Variants in DSG2 observed in about 807,000 individuals in gnomAD.
DSG2 encodes desmoglein-2.
DSG2 carries 45 observed loss-of-function variants against 75.6 expected under a neutral mutation model. The ratio of observed to expected loss-of-function variants is 0.60; its 90% CI spans 0.47 to 0.76. The LOEUF (loss-of-function observed/expected upper bound fraction) is 0.76. Ranked by LOEUF, DSG2 falls within the 30% of genes least tolerant of loss-of-function variation. DSG2 has a pLI of 0.00. For missense variants in DSG2, 1,267 were observed against 1,357.4 expected (o/e 0.93, Z 1.05); for synonymous variants, 429 against 483.9 (o/e 0.89, Z 1.49).
intron 1 of DSG2, among the ~76,000 whole-genome samples, chr18:31,500,482 A>G (rs1271439878): frequency 6.6e-6 from 1 of 152,230 alleles, no homozygotes; most frequent in Non-Finnish European, 1.5e-5. Context: ...TCACAAATCT[A>G]GTAGCTGGAC....
rs11542379 is a variant in DSG2, at chr18:31,546,629, C to T, written c.3243C>T (p.Val1081=). 8,615 of 1,614,172 alleles carry T rather than the reference C, an allele frequency of 5.3e-3. 53 individuals carry two copies. Among genetic ancestry groups the T allele is most frequent in the African/African-American group, 0.023 (1,750 of 75,042 alleles). ...ARNTTVSGAG[V]PGPLPDFGLE... is the part of the protein sequence containing the mutation. ...ACACCACGGTGTCTGGAGCTGGAGT[C>T]CCTGGCCCTCTGCCAGATTTTGGTT... Residue 1081 remains valine, a synonymous_variant, in exon 15 of 15, where the codon GTC becomes GTT. Coordinates refer to ENST00000261590, the MANE Select transcript of DSG2 (RefSeq NM_001943.5).
intron 9 of DSG2, among the ~76,000 whole-genome samples, chr18:31,531,820 G>T (rs1397183155): frequency 6.6e-6 from 1 of 152,206 alleles, no homozygotes; most frequent in Non-Finnish European, 1.5e-5. Flanking sequence ...GATGCTCACT[G>T]TGTTGGAAGA....
intron 11 of DSG2, among the ~76,000 whole-genome samples, chr18:31,536,911 C>A (rs2073234425): frequency 6.6e-6 from 1 of 152,150 alleles, no homozygotes; most frequent in South Asian, 2.1e-4. Context: ...AAGCTCAAAC[C>A]TAGAACATGA....
intron 12 of DSG2, among the ~76,000 whole-genome samples, chr18:31,539,976 A>C (rs1277441458): frequency 6.6e-6 from 1 of 151,748 alleles, no homozygotes; most frequent in African/African-American, 2.4e-5. Flanking sequence ...CCTTATGAGA[A>C]TCTAATGCCT....
intron 1 of DSG2, among the ~76,000 whole-genome samples, chr18:31,517,193 C>T (rs1337360306): frequency 1.3e-5 from 2 of 152,132 alleles, no homozygotes; most frequent in Non-Finnish European, 1.5e-5. Context: ...CATCTTCTCA[C>T]TTATATGTGG....
intron 8 of DSG2, among the ~76,000 whole-genome samples, chr18:31,528,011 G>A (rs761349533): frequency 3.9e-5 from 6 of 152,164 alleles, no homozygotes; most frequent in Non-Finnish European, 8.8e-5. Flanking sequence ...ATTTCAGCAC[G>A]TGAGTTTTAA....
At chr18:31,501,017 A>C (rs2073010876) in intron 1 of DSG2, among the ~76,000 whole-genome samples, 2 of 152,196 alleles carry the variant, frequency 1.3e-5, no homozygotes, top group Admixed American at 6.5e-5. Context: ...ATACCTTTAC[A>C]TCTTATGGTG....
chr18:31,546,520 CAGTG>C lies in DSG2; in HGVS notation c.3136_3139del (p.Val1046GlnfsTer5). The C allele has an allele frequency of 6.2e-7, 1 of 1,614,188 alleles. No individual in the cohort carries two copies. The highest frequency in any genetic ancestry group is 8.5e-7 in the Non-Finnish European group (1 of 1,180,024). ...AATATAGCAGTAGGACAGAATGTGA[CAGTG>C]ACAGAAAGAGTTCTAGCACCTGCTT... On this transcript the variant is annotated frameshift_variant, in exon 15 of 15. Transcript: ENST00000261590. LOFTEE classifies it low-confidence loss of function (END_TRUNC).
chr18:31,535,767 CA>C (rs1334144976), intron 10 of DSG2, among the ~76,000 whole-genome samples: 101 of 118,446 alleles, frequency 8.5e-4, no homozygotes, highest in Admixed American at 7.1e-4. Context: ...GACTCCAACT[CA>C]AAAAAAAAAA....
intron 9 of DSG2, among the ~76,000 whole-genome samples, chr18:31,531,688 T>A (rs1272899071): frequency 1.3e-5 from 2 of 152,242 alleles, no homozygotes; most frequent in African/African-American, 4.8e-5. Flanking sequence ...AACGCATATA[T>A]CTTGGGAATG....
chr18:31,543,199 G>A (rs933224639), intron 14 of DSG2: 33 of 189,340 alleles, frequency 1.7e-4, no homozygotes, highest in African/African-American at 7.3e-4. Flanking sequence ...GGAAGCTGCC[G>A]TCCTTGTGAC....
rs1208423216 is a variant in DSG2 at position 31,547,363 on chromosome 18, A to C, written c.*620A>C. 1 of 169,134 alleles carries C rather than the reference A, an allele frequency of 5.9e-6. No individual in the cohort carries two copies. The highest frequency in any genetic ancestry group is 2.4e-5 in the African/African-American group (1 of 41,656). The allele number at this position is 169,134 out of a possible 1,614,324, so 10.5% of individuals were successfully genotyped here. On this transcript the variant is annotated 3_prime_UTR_variant, in exon 15 of 15. Coordinates refer to ENST00000261590, the MANE Select transcript of DSG2 (RefSeq NM_001943.5). ...TGACAGTGTGTGTGTGTGCACGTACATACTGTATAGTCTTAAAAATAGCAT... is the reference window on the plus strand; with the variant it reads ...TGACAGTGTGTGTGTGTGCACGTACCTACTGTATAGTCTTAAAAATAGCAT...
intron 4 of DSG2, 54 bp downstream of exon 4, chr18:31,521,018 T>G: frequency 1.9e-6 from 3 of 1,608,234 alleles, no homozygotes; most frequent in Non-Finnish European, 1.7e-6. Context: ...TCATAATAAG[T>G]GTCATTTGTT....
rs373598034 is a variant in DSG2, at chr18:31,546,292, C to T, written c.2906C>T (p.Ala969Val). 404 of 1,602,308 alleles carry T rather than the reference C, an allele frequency of 2.5e-4. 9 individuals carry two copies. In the South Asian group the frequency reaches 3.6e-3, roughly 14 times the overall value. ...CTTATTGTGACAGAGAGGGTGTATG[C>T]TCCAGCTTCTACCTTGGTAGATCAG... ...QSLIVTERVYAPASTLVDQPY... is the reference protein window; with the variant it reads ...QSLIVTERVYVPASTLVDQPY... Residue 969 changes from alanine (A) to valine (V), a missense_variant, in exon 15 of 15, where the codon GCT becomes GTT. Physicochemically the swap from Ala to Val is moderately conservative, Grantham distance 64. Transcript: ENST00000261590.
Position 31,521,340 on chromosome 18 carries a change from G to A in DSG2, c.523+97G>A, listed in dbSNP as rs138874962. 5.1e-5 allele frequency: 63 copies of A among 1,244,306 alleles called. No individual in the cohort carries two copies. In the Middle Eastern group the frequency reaches 1.3e-3, roughly 25 times the overall value. The allele number at this position is 1,244,306 out of a possible 1,614,324, so 77.1% of individuals were successfully genotyped here. Reference sequence around the variant, plus strand: ...TAAATTTCATATCTTAATGAAAGTTGAGTATTACCTACAGAACAAATGATA... The same window carrying A: ...TAAATTTCATATCTTAATGAAAGTTAAGTATTACCTACAGAACAAATGATA... On this transcript the variant is annotated intron_variant, in intron 5 of 14. Transcript: ENST00000261590.
rs763994831 is a variant in DSG2 at position 31,542,760 on chromosome 18, G to T, written c.2242G>T (p.Ala748Ser). ...CATGACCACTGAAACCACGAAGACC[G>T]CAAGGGCCACAGGGGCTTCCAGAGA... ...AIMTTETTKT[A>S]RATGASRDMA... The change falls in exon 14 of 15, where the codon GCA (alanine) becomes TCA (serine). Residue 748 changes from alanine (A) to serine (S), a missense_variant. By Grantham distance (99) the Ala-to-Ser change is moderately conservative (BLOSUM62 1). Transcript: ENST00000261590. The T allele has an allele frequency of 6.2e-6, 10 of 1,613,720 alleles. No individual in the cohort carries two copies. Among genetic ancestry groups the T allele is most frequent in the African/African-American group, 2.7e-5 (2 of 74,856 alleles).
At chr18:31,532,333 A>T (rs1440415500) in intron 9 of DSG2, among the ~76,000 whole-genome samples, 3 of 152,114 alleles carry the variant, frequency 2.0e-5, no homozygotes, top group Non-Finnish European at 4.4e-5. Flanking sequence ...AATTCCATTC[A>T]TGAGGGTGGT....
chr18:31,516,631 C>T (rs1283591845), intron 1 of DSG2, among the ~76,000 whole-genome samples: 2 of 152,188 alleles, frequency 1.3e-5, no homozygotes, highest in East Asian at 3.8e-4. Context: ...CATATGGTCA[C>T]ACTAGAAAGG....
chr18:31,526,890 A>C (rs2073166068), intron 8 of DSG2, among the ~76,000 whole-genome samples: 1 of 152,240 alleles, frequency 6.6e-6, no homozygotes, highest in Admixed American at 6.5e-5. Context: ...AGTTAAGAAA[A>C]TATTTAAAAG....
Sources: gnomAD v4.1 joint callset for allele counts (sites outside exome capture counted in the v4.1 genomes callset) on GRCh38, gnomAD v4.1.1 for gene constraint, MANE v1.5 for transcripts, NCBI Gene and HGNC (gene_info 2026-07-23, HGNC 2026-07-21) for gene names.